The following COL19A1 variants were observed in gnomAD, a reference collection of about 807,000 sequenced individuals.
The protein encoded by COL19A1 is collagen alpha-1(XIX) chain.
Under a neutral mutation model 190.2 loss-of-function variants are expected in COL19A1, and 159 were observed. That is an observed-to-expected ratio of 0.84 (90% CI 0.73 to 0.95). The LOEUF is 0.95. Among genes scored for constraint, COL19A1 ranks in the 40% least tolerant of loss-of-function variants. The pLI, the probability that COL19A1 is intolerant of heterozygous loss-of-function variation, is 0.00. For synonymous variants in COL19A1, 509 were observed against 458.9 expected, an observed-to-expected ratio of 1.11 and a Z score of -1.39; for missense variants, 1,418 against 1,431.9, an observed-to-expected ratio of 0.99 and a Z score of 0.16.
Position 70,211,633 on chromosome 6 carries a change from G to A in COL19A1, c.*4359G>A, listed in dbSNP as rs898489872. Among the ~76,000 whole-genome samples, 1 of 150,592 alleles carries A rather than the reference G, an allele frequency of 6.6e-6. No individual in the cohort carries two copies. Among genetic ancestry groups the A allele is most frequent in the African/African-American group, 2.4e-5 (1 of 40,846 alleles). Reference sequence around the variant, plus strand: ...ATTTATTAGTTGGCTGGTTAAGATAGCATTAATTATCTTAAATTTATTCAA... The same window carrying A: ...ATTTATTAGTTGGCTGGTTAAGATAACATTAATTATCTTAAATTTATTCAA... On this transcript the variant is annotated 3_prime_UTR_variant, in exon 51 of 51. Transcript: ENST00000620364.
chr6:70,026,704 T>G lies in COL19A1; in HGVS notation c.1080+3024T>G, dbSNP rs1277428976. ...GGAGATGGGGGGAGTGTTAATATTG[T>G]GTTATAGTTCATAAACTATTTTCAC... On this transcript the variant is annotated intron_variant, in intron 12 of 50. Transcript: ENST00000620364. Among the ~76,000 whole-genome samples, 4 of 152,208 alleles carry G rather than the reference T, an allele frequency of 2.6e-5. No individual in the cohort carries two copies. In the East Asian group the frequency reaches 7.7e-4, roughly 29 times the overall value.
intron 9 of COL19A1, among the ~76,000 whole-genome samples, chr6:69,940,763 A>G (rs1409946077): frequency 1.3e-5 from 2 of 152,158 alleles, no homozygotes; most frequent in Non-Finnish European, 2.9e-5. Flanking sequence ...GCTTAAACCA[A>G]CATATGCTCT....
In COL19A1 at chr6:70,150,063, G is replaced by T. The variant is rs777051021; in HGVS notation, c.2037+18G>T. On this transcript the variant is annotated intron_variant, in intron 30 of 50. Coordinates refer to ENST00000620364, the MANE Select transcript of COL19A1 (RefSeq NM_001858.6). ...GTGACCCGGTATGTAGACAAACCTT[G>T]TCTGATTTATGTATCTTAAATGCAC... 5 of 1,613,124 alleles carry T rather than the reference G, an allele frequency of 3.1e-6. No individual in the cohort carries two copies. Among genetic ancestry groups the T allele is most frequent in the Non-Finnish European group, 3.4e-6 (4 of 1,179,652 alleles).
chr6:69,932,019 A>G (rs1425772709), intron 6 of COL19A1, among the ~76,000 whole-genome samples: 5 of 152,116 alleles, frequency 3.3e-5, no homozygotes, highest in Non-Finnish European at 7.4e-5. Context: ...CAGTGCTTAA[A>G]GAATTCAAAC....
intron 15 of COL19A1, among the ~76,000 whole-genome samples, chr6:70,099,056 TAAAAAAAAAAAA>T (rs5877239): frequency 1.1e-4 from 8 of 75,888 alleles, no homozygotes; most frequent in African/African-American, 4.2e-4. Context: ...ACCCTGTCTC[TAAAAAAAAAAAA>T]AAAAAAAAAA....
At chr6:69,902,353 G>T (rs1770244644) in intron 4 of COL19A1, among the ~76,000 whole-genome samples, 1 of 152,122 alleles carries the variant, frequency 6.6e-6, no homozygotes, top group Admixed American at 6.5e-5. Context: ...TCCTTTTATT[G>T]TTCTGGCATA....
In COL19A1 at chr6:69,951,824, A is replaced by C. The variant is rs1774140382; in HGVS notation, c.937-8172A>C. On this transcript the variant is annotated intron_variant, in intron 9 of 50. Transcript: ENST00000620364. ...ATCTAGAGAGAGAGAGGGAAAAAAAATTAAAAACTTCCCCTAACTTGGTAC... is the reference window on the plus strand; with the variant it reads ...ATCTAGAGAGAGAGAGGGAAAAAAACTTAAAAACTTCCCCTAACTTGGTAC... Among the ~76,000 whole-genome samples, 4 of 152,002 alleles carry C rather than the reference A, an allele frequency of 2.6e-5. No homozygotes were observed. In the South Asian group the frequency reaches 8.3e-4, roughly 31 times the overall value.
chr6:70,068,497 T>C (rs768049783), intron 15 of COL19A1, 21 bp downstream of exon 15: 1 of 1,516,200 alleles, frequency 6.6e-7, no homozygotes, highest in East Asian at 2.3e-5. Context: ...CTGGAACAAC[T>C]GGTGGGCATT....
chr6:70,185,184 G>C (rs1274024756), intron 46 of COL19A1, among the ~76,000 whole-genome samples: 1 of 152,178 alleles, frequency 6.6e-6, no homozygotes, highest in African/African-American at 2.4e-5. Context: ...TCCTGTCTTA[G>C]ACATATATCT....
At chr6:70,118,173 C>T (rs1405865412) in intron 16 of COL19A1, among the ~76,000 whole-genome samples, 2 of 152,174 alleles carry the variant, frequency 1.3e-5, no homozygotes, top group Non-Finnish European at 2.9e-5. Flanking sequence ...GCGACAACTC[C>T]TTGGATCTTC....
chr6:70,187,396 C>G (rs1203226529), intron 46 of COL19A1, among the ~76,000 whole-genome samples: 2 of 151,758 alleles, frequency 1.3e-5, no homozygotes, highest in African/African-American at 4.8e-5. Flanking sequence ...TCTAATAAAG[C>G]ACAAACAAAC....
chr6:70,130,214 A>C lies in COL19A1; in HGVS notation c.1374A>C (p.Lys458Asn), dbSNP rs762927003. 6.2e-7 allele frequency: 1 copy of C among 1,613,128 alleles called. No individual in the cohort carries two copies. The highest frequency in any genetic ancestry group is 8.5e-7 in the Non-Finnish European group (1 of 1,179,692). ...GNDEHEAGGLKGDKGETGLPG... is the reference protein window; with the variant it reads ...GNDEHEAGGLNGDKGETGLPG... ...ATGAACATGAAGCTGGAGGCCTGAAAGGAGACAAGGTAATCAGATTTTTTT... is the reference window on the plus strand; with the variant it reads ...ATGAACATGAAGCTGGAGGCCTGAACGGAGACAAGGTAATCAGATTTTTTT... The change falls in exon 18 of 51, where the codon AAA becomes AAC. Residue 458 changes from lysine (K) to asparagine (N), a missense_variant. Coordinates refer to ENST00000620364, the MANE Select transcript of COL19A1 (RefSeq NM_001858.6).
intron 1 of COL19A1, among the ~76,000 whole-genome samples, chr6:69,870,327 A>G (rs1451168918): frequency 6.6e-6 from 1 of 152,236 alleles, no homozygotes; most frequent in Admixed American, 6.5e-5. Context: ...ATAGCAGTGC[A>G]GTATAAAGTG....
At chr6:69,892,842 G>C (rs1769445941) in intron 2 of COL19A1, among the ~76,000 whole-genome samples, 1 of 152,200 alleles carries the variant, frequency 6.6e-6, no homozygotes, top group African/African-American at 2.4e-5. Flanking sequence ...TACCCTTCCA[G>C]TCTAAGCCTT....
At chr6:70,131,671 G>GA (rs59439334) in intron 18 of COL19A1, among the ~76,000 whole-genome samples, 1 of 151,616 alleles carries the variant, frequency 6.6e-6, no homozygotes, top group Non-Finnish European at 1.5e-5. Flanking sequence ...AGGCTAAGGG[G>GA]AAAAAAAAGG....
Position 70,209,611 on chromosome 6 carries a change from A to G in COL19A1, c.*2337A>G, listed in dbSNP as rs1158918976. 1 of 152,172 alleles carries G rather than the reference A, an allele frequency of 6.6e-6. No homozygotes were observed. The highest frequency in any genetic ancestry group is 2.4e-5 in the African/African-American group (1 of 41,450). 9.4% of individuals were successfully genotyped at this position (152,172 alleles called of 1,614,324 possible). ...CTATTTCAAGGATTTGGATTTATTC[A>G]GGTAATTTGATGGGATGGGGAAATA... On this transcript the variant is annotated 3_prime_UTR_variant, in exon 51 of 51. Transcript: ENST00000620364.
intron 14 of COL19A1, among the ~76,000 whole-genome samples, chr6:70,044,545 G>A (rs1024788135): frequency 1.3e-5 from 2 of 152,004 alleles, no homozygotes; most frequent in Non-Finnish European, 2.9e-5. Flanking sequence ...CCTTTCATTC[G>A]AACACTTGAG....
chr6:69,982,710 C>T (rs918964685), intron 11 of COL19A1, among the ~76,000 whole-genome samples: 4 of 151,222 alleles, frequency 2.6e-5, no homozygotes, highest in Non-Finnish European at 4.4e-5. Flanking sequence ...CAGTGGCTCA[C>T]GCCTGTAATC....
At chr6:69,868,202 A>G (rs558216528) in intron 1 of COL19A1, among the ~76,000 whole-genome samples, 36 of 143,166 alleles carry the variant, frequency 2.5e-4, no homozygotes, top group East Asian at 4.3e-4. Flanking sequence ...ACTAAAGGGA[A>G]AAAAAAAAAA....
Sources: gnomAD v4.1 joint callset for allele counts (sites outside exome capture counted in the v4.1 genomes callset) on GRCh38, gnomAD v4.1.1 for gene constraint, MANE v1.5 for transcripts, NCBI Gene and HGNC (gene_info 2026-07-23, HGNC 2026-07-21) for gene names.